Variants in DPH7 observed in about 807,000 individuals in gnomAD.
DPH7 encodes diphthamide biosynthesis 7.
In DPH7, 44 loss-of-function variants were observed where a neutral mutation model predicts 41.7. The observed-to-expected ratio is 1.05, with a 90% CI of 0.83 to 1.36. DPH7 has a LOEUF of 1.36. Among genes scored for constraint, DPH7 ranks in the 40% most tolerant of loss-of-function variants. DPH7 has a pLI of 0.00. For missense variants in DPH7, 629 were observed against 577.5 expected (o/e 1.09, Z -0.91); for synonymous variants, 275 against 238.0 (o/e 1.16, Z -1.43).
At chr9:137,572,833 T>C (rs1280003567) in intron 5 of DPH7, among the ~76,000 whole-genome samples, 2 of 152,166 alleles carry the variant, frequency 1.3e-5, no homozygotes, top group Non-Finnish European at 2.9e-5. Flanking sequence ...AGATAAACTA[T>C]ATCCAAAAAG....
chr9:137,578,294 G>A (rs1347895866), intron 1 of DPH7, among the ~76,000 whole-genome samples: 4 of 152,156 alleles, frequency 2.6e-5, no homozygotes, highest in African/African-American at 9.7e-5. Flanking sequence ...CCTCCCGAGT[G>A]GCTGGGACTA....
rs940351028 is a variant in DPH7, at chr9:137,556,918, A to G, written c.950-1270T>C. ...GGAAGACACTGTTGCGACCCCAAGAATGGGAGGCCCTTTCTGATTAGCCAC... is the reference window on the plus strand; with the variant it reads ...GGAAGACACTGTTGCGACCCCAAGAGTGGGAGGCCCTTTCTGATTAGCCAC... On this transcript the variant is annotated intron_variant, in intron 8 of 8. Coordinates refer to ENST00000277540, the MANE Select transcript of DPH7 (RefSeq NM_138778.5). This position sits in a 1 kb window ranked among gnomAD's most constrained non-coding sequence, Gnocchi z 5.2. 2 of 456,146 alleles carry G rather than the reference A, an allele frequency of 4.4e-6. No individual in the cohort carries two copies. Among genetic ancestry groups the G allele is most frequent in the Non-Finnish European group, 4.4e-6 (1 of 226,804 alleles). The allele number at this position is 456,146 out of a possible 1,614,324, so 28.3% of individuals were successfully genotyped here.
At chr9:137,561,021 CAAAAAAAA>C (rs869251490) in intron 8 of DPH7, among the ~76,000 whole-genome samples, 6 of 80,676 alleles carry the variant, frequency 7.4e-5, no homozygotes, top group Non-Finnish European at 7.4e-5. Flanking sequence ...GACCCCATCT[CAAAAAAAA>C]AAAAAAAAAA....
At chr9:137,571,445 A>C (rs1257948530) in intron 5 of DPH7, among the ~76,000 whole-genome samples, 1 of 152,086 alleles carries the variant, frequency 6.6e-6, no homozygotes, top group Non-Finnish European at 1.5e-5. Context: ...TTGGCCTCCT[A>C]AAGTGCTGGG....
chr9:137,572,090 C>T (rs1471710843), intron 5 of DPH7, among the ~76,000 whole-genome samples: 4 of 152,168 alleles, frequency 2.6e-5, no homozygotes, highest in African/African-American at 7.2e-5. Context: ...CACACGTGCT[C>T]GTCACTCGGA....
chr9:137,576,374 G>C (rs1044296236), intron 2 of DPH7: 27 of 558,134 alleles, frequency 4.8e-5, no homozygotes, highest in Non-Finnish European at 7.8e-5. Flanking sequence ...CTGCAGGCAA[G>C]TGTGACACAA....
chr9:137,558,192 G>C (rs561060781), intron 8 of DPH7, among the ~76,000 whole-genome samples: 7 of 152,268 alleles, frequency 4.6e-5, no homozygotes, highest in African/African-American at 1.4e-4. Context: ...AAACTGGCCT[G>C]GAATGTTGAA....
chr9:137,578,325 G>A (rs1278737909), intron 1 of DPH7, among the ~76,000 whole-genome samples: 1 of 152,100 alleles, frequency 6.6e-6, no homozygotes, highest in East Asian at 1.9e-4. Context: ...CACCACGCCC[G>A]GCTAATTGTT....
chr9:137,569,264 C>A (rs1029519181), intron 5 of DPH7, among the ~76,000 whole-genome samples: 16 of 148,710 alleles, frequency 1.1e-4, no homozygotes, highest in Middle Eastern at 3.5e-3. Context: ...CTATCCACCC[C>A]CCGACCTCAC....
At chr9:137,577,720 C>T in intron 1 of DPH7, 117 bp from the exon 2 acceptor site, 1 of 1,324,608 alleles carries the variant, frequency 7.5e-7, no homozygotes, top group Non-Finnish European at 1.0e-6. Context: ...TGGAATTCTG[C>T]CTGGAAGGAG....
chr9:137,574,799 C>G lies in DPH7; in HGVS notation c.420G>C (p.Glu140Asp). 6.2e-7 allele frequency: 1 copy of G among 1,614,080 alleles called. No homozygotes were observed. Among genetic ancestry groups the G allele is most frequent in the Non-Finnish European group, 8.5e-7 (1 of 1,180,016 alleles). ...LEPLSSLALEEQCLALSLDWS... is the reference protein window; with the variant it reads ...LEPLSSLALEDQCLALSLDWS... The stretch of plus-strand genomic sequence containing the variant: ...AATCTAGGGACAAAGCCAGACACTG[C>G]TCCTCCAGGGCAAGGCTGGACAATG... The change falls in exon 4 of 9, where the codon GAG becomes GAC. Residue 140 changes from glutamate to aspartate, a missense_variant. By Grantham distance (45) the Glu-to-Asp change is conservative. Coordinates refer to ENST00000277540, the MANE Select transcript of DPH7 (RefSeq NM_138778.5).
intron 8 of DPH7, among the ~76,000 whole-genome samples, chr9:137,562,431 C>A (rs821323): frequency 0.9 from 136,264 of 152,220 alleles, 61,715 homozygotes; most frequent in African/African-American, 0.98. Flanking sequence ...AAAACATGTA[C>A]ATTAAACAAC....
intron 4 of DPH7, 163 bp from the exon 5 acceptor site, chr9:137,574,543 G>T: frequency 1.2e-6 from 1 of 863,826 alleles, no homozygotes; most frequent in South Asian, 1.7e-5. Context: ...GCTTGTCAAA[G>T]ACACCAGTGT....
At position 137,577,533 on chromosome 9, in the gene DPH7, T is replaced by C; in HGVS notation, c.224A>G (p.Asn75Ser). 1.2e-6 allele frequency: 2 copies of C among 1,613,892 alleles called. No individual in the cohort carries two copies. The highest frequency in any genetic ancestry group is 1.7e-6 in the Non-Finnish European group (2 of 1,179,938). The change falls in exon 2 of 9, where the codon AAC (asparagine) becomes AGC (serine). Residue 75 changes from asparagine to serine, a missense_variant. Coordinates refer to ENST00000277540, the MANE Select transcript of DPH7 (RefSeq NM_138778.5). ...GACCTCGACCAGAGGGTGAATAGAG[T>C]TGTTGTCATTGAAACTGTACAGGAA... ...RLFLYSFNDNNSIHPLVEVQR... is the reference protein window; with the variant it reads ...RLFLYSFNDNSSIHPLVEVQR...
Position 137,565,095 on chromosome 9 carries a change from TGAAGAGAAATTTGCCGG to T in DPH7, c.683_699del (p.Pro228HisfsTer28). The T allele has an allele frequency of 6.2e-7, 1 of 1,613,972 alleles. No individual in the cohort carries two copies. The highest frequency in any genetic ancestry group is 8.5e-7 in the Non-Finnish European group (1 of 1,179,992). On this transcript the variant is annotated frameshift_variant, in exon 6 of 9. Transcript: ENST00000277540. LOFTEE classifies it high-confidence loss of function. ...CCCTTGGGCAGTTACCTTTTGCTGG[TGAAGAGAAATTTGCCGG>T]GTACCCTGGTGTCCCAGCCCCTCAG...
intron 1 of DPH7, chr9:137,577,959 C>A (rs912801109): frequency 5.3e-5 from 52 of 985,012 alleles, no homozygotes; most frequent in Non-Finnish European, 8.4e-6. Context: ...CCCACTTTCT[C>A]TTTACTGTAC....
Position 137,578,166 on chromosome 9 carries a change from A to G in DPH7, c.153+459T>C, listed in dbSNP as rs185406200. On this transcript the variant is annotated intron_variant, in intron 1 of 8. Coordinates refer to ENST00000277540, the MANE Select transcript of DPH7 (RefSeq NM_138778.5). ...AGTGCAAGACCTTGTCTCAGAAAAA[A>G]GTAATTTCTTTTTTTTGAGATGTAG... 239 of 168,464 alleles carry G rather than the reference A, an allele frequency of 1.4e-3. 1 individual carries two copies. Among genetic ancestry groups the G allele is most frequent in the African/African-American group, 5.4e-3 (225 of 41,818 alleles). 10.4% of individuals were successfully genotyped at this position (168,464 alleles called of 1,614,324 possible). A position where few individuals can be genotyped will look rare whatever the true frequency, so the allele number is the denominator to read the frequency against.
At chr9:137,572,070 C>T (rs573384276) in intron 5 of DPH7, among the ~76,000 whole-genome samples, 6 of 152,250 alleles carry the variant, frequency 3.9e-5, no homozygotes, top group South Asian at 2.1e-4. Flanking sequence ...CAAATAAGAA[C>T]GCCGCCTTAC....
Position 137,565,143 on chromosome 9 carries a change from C to T in DPH7, c.652G>A (p.Gly218Ser). 3.1e-6 allele frequency: 5 copies of T among 1,614,034 alleles called. No individual in the cohort carries two copies. In the Admixed American group the frequency reaches 5.0e-5, roughly 16 times the overall value. ...CTGGTGTCCCAGCCCCTCAGAAGGC[C>T]ATCGTCGCCCCCTGTGTGGAGAAAG... is the stretch of plus-strand genomic sequence containing the variant. ...PEIVYSGGDD[G>S]LLRGWDTRVP... Residue 218 changes from glycine to serine, a missense_variant, in exon 6 of 9, where the codon GGC becomes AGC. Coordinates refer to ENST00000277540, the MANE Select transcript of DPH7 (RefSeq NM_138778.5).
Sources: gnomAD v4.1 joint callset for allele counts (sites outside exome capture counted in the v4.1 genomes callset) on GRCh38, gnomAD v4.1.1 for gene constraint, Gnocchi (gnomAD v3.1) non-coding constraint, MANE v1.5 for transcripts, NCBI Gene and HGNC (gene_info 2026-07-23, HGNC 2026-07-21) for gene names.